FLOT2: variants seen among roughly 807,000 people sequenced by gnomAD.
The protein encoded by FLOT2 is flotillin-2.
Under a neutral mutation model 54.9 loss-of-function variants are expected in FLOT2, and 35 were observed. The ratio of observed to expected loss-of-function variants is 0.64; its 90% CI spans 0.49 to 0.84. FLOT2 has a LOEUF of 0.84. Among genes scored for constraint, FLOT2 ranks in the 40% least tolerant of loss-of-function variants. The pLI, the probability that FLOT2 is intolerant of heterozygous loss-of-function variation, is 0.00. For missense variants in FLOT2, 464 were observed against 572.1 expected, an observed-to-expected ratio of 0.81 and a Z score of 1.93; for synonymous variants, 207 against 228.9, an observed-to-expected ratio of 0.90 and a Z score of 0.86.
At chr17:28,888,923 C>A (rs769034477) in intron 2 of FLOT2, 22 bp downstream of exon 2, 5 of 1,608,422 alleles carry the variant, frequency 3.1e-6, no homozygotes, top group Non-Finnish European at 3.4e-6. Flanking sequence ...CATGACAGGT[C>A]CTAGAGCCCC....
intron 2 of FLOT2, among the ~76,000 whole-genome samples, chr17:28,888,183 T>C (rs936518299): frequency 2.6e-5 from 4 of 152,170 alleles, no homozygotes; most frequent in African/African-American, 7.2e-5. Flanking sequence ...CCATCTCCCA[T>C]AATGAGGAAG....
chr17:28,896,641 T>G (rs895020978), intron 1 of FLOT2, among the ~76,000 whole-genome samples: 1 of 152,130 alleles, frequency 6.6e-6, no homozygotes, highest in African/African-American at 2.4e-5. Context: ...TTCTATCCCC[T>G]TCTATCTCTT....
At position 28,880,910 on chromosome 17, in the gene FLOT2, C is replaced by T. The variant is rs199834507; in HGVS notation, c.1099-48G>A. The T allele has an allele frequency of 2.6e-5, 42 of 1,607,310 alleles. No individual in the cohort carries two copies. In the Admixed American group the frequency reaches 7.0e-4, roughly 27 times the overall value. ...CAGCCTGGTTGGCGCTGACTCTGTT[C>T]TCAGCCCGGTCCAGCATCTCTCCCT... is the stretch of plus-strand genomic sequence containing the variant. On this transcript the variant is annotated intron_variant, in intron 9 of 10. Coordinates refer to ENST00000394908, the MANE Select transcript of FLOT2 (RefSeq NM_004475.3).
chr17:28,886,556 G>A (rs187116054), intron 2 of FLOT2, among the ~76,000 whole-genome samples: 46 of 152,314 alleles, frequency 3.0e-4, no homozygotes, highest in African/African-American at 1.1e-3. Context: ...GGGAGATAAG[G>A]GAGGCATTTA....
chr17:28,891,264 C>CA (rs2039647358), intron 1 of FLOT2, among the ~76,000 whole-genome samples: 1 of 152,176 alleles, frequency 6.6e-6, no homozygotes, highest in Non-Finnish European at 1.5e-5. Context: ...CTCCCAAGGT[C>CA]AAGGGTCTGG....
At chr17:28,891,971 A>G (rs553976157) in intron 1 of FLOT2, among the ~76,000 whole-genome samples, 10 of 152,332 alleles carry the variant, frequency 6.6e-5, no homozygotes, top group African/African-American at 2.2e-4. Context: ...CAGCAGAACC[A>G]GAGGTCCAGG....
chr17:28,897,702 C>A lies in FLOT2; in HGVS notation c.-128G>T. 4 of 826,726 alleles carry A rather than the reference C, an allele frequency of 4.8e-6. No individual in the cohort carries two copies. The highest frequency in any genetic ancestry group is 4.9e-5 in the South Asian group (1 of 20,370). The allele number at this position is 826,726 out of a possible 1,614,324, so 51.2% of individuals were successfully genotyped here. On this transcript the variant is annotated 5_prime_UTR_variant, in exon 1 of 11. Transcript: ENST00000394908. The surrounding 1 kb of genome is among the most constrained non-coding windows in gnomAD (Gnocchi z 4.4). ...CCGGCCGCCCGCTCGCTCGCCCGCG[C>A]CCCTCTGCGGTCGCAGCCCCGCCGG...
rs2039513752 is a variant in FLOT2 at position 28,884,812 on chromosome 17, C to T, written c.132-497G>A. ...AAAGCTCTGCCTGATTGCCTGGCAT[C>T]CTGGAGTATGCCTACTGCTGGGCTA... On this transcript the variant is annotated intron_variant, in intron 2 of 10. Coordinates refer to ENST00000394908, the MANE Select transcript of FLOT2 (RefSeq NM_004475.3). The surrounding 1 kb of genome is among the most constrained non-coding windows in gnomAD (Gnocchi z 5.1). Among the ~76,000 whole-genome samples, 1 of 152,180 alleles carries T rather than the reference C, an allele frequency of 6.6e-6. No individual in the cohort carries two copies. The highest frequency in any genetic ancestry group is 1.5e-5 in the Non-Finnish European group (1 of 68,014).
rs1001527761 is a variant in FLOT2, at chr17:28,881,938, G to A, written c.790C>T (p.Arg264Cys). The A allele has an allele frequency of 2.2e-5, 35 of 1,613,912 alleles. No individual in the cohort carries two copies. The highest frequency in any genetic ancestry group is 4.0e-5 in the African/African-American group (3 of 74,932). ...QEEIEIEVVQ[R>C]KKQIAVEAQE... ...GCCTCCACGGCAATCTGTTTCTTGCGCTGCACAACCTCAATCTCAATCTCT... is the reference window on the plus strand; with the variant it reads ...GCCTCCACGGCAATCTGTTTCTTGCACTGCACAACCTCAATCTCAATCTCT... Residue 264 changes from arginine to cysteine, a missense_variant, in exon 8 of 11, where the codon CGC (arginine) becomes TGC (cysteine). Arg to Cys is a radical substitution (Grantham distance 180). Transcript: ENST00000394908.
chr17:28,879,344 A>G lies in FLOT2; in HGVS notation c.*1217T>C. The G allele has an allele frequency of 1.0e-6, 1 of 988,030 alleles. No individual in the cohort carries two copies. Among genetic ancestry groups the G allele is most frequent in the Non-Finnish European group, 1.2e-6 (1 of 830,032 alleles). 61.2% of individuals were successfully genotyped at this position (988,030 alleles called of 1,614,324 possible). A position where few individuals can be genotyped will look rare whatever the true frequency, so the allele number is the denominator to read the frequency against. On this transcript the variant is annotated 3_prime_UTR_variant, in exon 11 of 11. Transcript: ENST00000394908. ...CAGAAGACACAATGCAGGGGTGGGC[A>G]TTAAGAGTTCTTTATTTTACCAGAA...
chr17:28,886,063 G>T lies in FLOT2; in HGVS notation c.132-1748C>A, dbSNP rs924879540. 20 of 610,466 alleles carry T rather than the reference G, an allele frequency of 3.3e-5. 1 individual carries two copies. The highest frequency in any genetic ancestry group is 1.9e-4 in the South Asian group (12 of 63,578). 37.8% of individuals were successfully genotyped at this position (610,466 alleles called of 1,614,324 possible). ...CGATGCCTGACGCCTGGGGGCGGGGGGGGGCATGCTGTCAGTAATCCAACC... is the reference window on the plus strand; with the variant it reads ...CGATGCCTGACGCCTGGGGGCGGGGTGGGGCATGCTGTCAGTAATCCAACC... On this transcript the variant is annotated intron_variant, in intron 2 of 10. Coordinates refer to ENST00000394908, the MANE Select transcript of FLOT2 (RefSeq NM_004475.3).
intron 1 of FLOT2, among the ~76,000 whole-genome samples, chr17:28,896,435 T>A (rs2039741832): frequency 6.6e-6 from 1 of 152,110 alleles, no homozygotes; most frequent in Non-Finnish European, 1.5e-5. Context: ...TCTCTGGGAG[T>A]CTCCCTTCTG....
In FLOT2 at chr17:28,879,975, G is replaced by A; in HGVS notation, c.*586C>T. On this transcript the variant is annotated 3_prime_UTR_variant, in exon 11 of 11. Transcript: ENST00000394908. ...TGAGCGCTGGCTGGGGCCTTGGGTGGATGAGGGGAAGGACAGTGTCTCTGG... is the reference window on the plus strand; with the variant it reads ...TGAGCGCTGGCTGGGGCCTTGGGTGAATGAGGGGAAGGACAGTGTCTCTGG... The A allele has an allele frequency of 1.0e-6, 1 of 987,638 alleles. No individual in the cohort carries two copies. Among genetic ancestry groups the A allele is most frequent in the Non-Finnish European group, 1.2e-6 (1 of 831,416 alleles). The allele number at this position is 987,638 out of a possible 1,614,324, so 61.2% of individuals were successfully genotyped here.
rs778955819 is a variant in FLOT2 at position 28,884,258 on chromosome 17, C to T, written c.189G>A (p.Glu63=). Reference sequence around the variant, plus strand: ...CACCCGTCACAGTTAAAGCTACCCCCTCGGCCGTCTCTACGTCCTCGCAGC... The same window carrying T: ...CACCCGTCACAGTTAAAGCTACCCCTTCGGCCGTCTCTACGTCCTCGCAGC... ...QPRCEDVETA[E]GVALTVTGVA... is the part of the protein sequence containing the mutation. The change falls in exon 3 of 11, where the codon GAG becomes GAA. Residue 63 remains glutamate, a synonymous_variant. Coordinates refer to ENST00000394908, the MANE Select transcript of FLOT2 (RefSeq NM_004475.3). The surrounding 1 kb of genome is among the most constrained non-coding windows in gnomAD (Gnocchi z 5.1). 5 of 1,613,670 alleles carry T rather than the reference C, an allele frequency of 3.1e-6. No homozygotes were observed. Among genetic ancestry groups the T allele is most frequent in the Non-Finnish European group, 4.2e-6 (5 of 1,179,798 alleles).
chr17:28,891,044 C>T (rs1198593055), intron 1 of FLOT2, among the ~76,000 whole-genome samples: 1 of 151,842 alleles, frequency 6.6e-6, no homozygotes, highest in South Asian at 2.1e-4. Context: ...CCATGCCCAG[C>T]TAATTTTTGT....
chr17:28,890,563 T>C (rs897409869), intron 1 of FLOT2, among the ~76,000 whole-genome samples: 5 of 152,104 alleles, frequency 3.3e-5, no homozygotes, highest in Non-Finnish European at 7.3e-5. Flanking sequence ...ATTTTTTGTA[T>C]TTTTAGTAGA....
In FLOT2 at chr17:28,897,351, A is replaced by T; in HGVS notation, c.49+175T>A. On this transcript the variant is annotated intron_variant, in intron 1 of 10. Coordinates refer to ENST00000394908, the MANE Select transcript of FLOT2 (RefSeq NM_004475.3). This position sits in a 1 kb window ranked among gnomAD's most constrained non-coding sequence, Gnocchi z 4.4. ...CCCTGGTGGGTGCCCGAGGGTGCGC[A>T]GCAAGGAAAGCGTGAGCACGAGATC... 1 of 575,358 alleles carries T rather than the reference A, an allele frequency of 1.7e-6. No individual in the cohort carries two copies. The highest frequency in any genetic ancestry group is 4.8e-4 in the Middle Eastern group (1 of 2,092). 35.6% of individuals were successfully genotyped at this position (575,358 alleles called of 1,614,324 possible).
intron 2 of FLOT2, 133 bp downstream of exon 2, chr17:28,888,812 C>T (rs2039594014): frequency 1.8e-6 from 1 of 540,632 alleles, no homozygotes; most frequent in East Asian, 3.7e-5. Flanking sequence ...CCAACCCCAC[C>T]CCTCCACCGC....
chr17:28,880,974 TG>T, intron 9 of FLOT2, 112 bp from the exon 10 acceptor site: 1 of 1,379,888 alleles, frequency 7.2e-7, no homozygotes, highest in Non-Finnish European at 1.0e-6. Flanking sequence ...GCAGCCTGGG[TG>T]GCCCTTAGTC....
Sources: allele counts gnomAD v4.1 joint callset (sites outside exome capture counted in the v4.1 genomes callset), GRCh38; gene constraint gnomAD v4.1.1; non-coding constraint Gnocchi (gnomAD v3.1); transcripts MANE v1.5; gene names NCBI Gene and HGNC (gene_info 2026-07-23, HGNC 2026-07-21).